Variants in GPC6 observed in about 807,000 individuals in gnomAD.
GPC6 encodes the protein glypican 6.
A neutral mutation model predicts 55.2 loss-of-function variants in GPC6; 14 were observed. The observed-to-expected ratio is 0.25, with a 90% confidence interval of 0.17 to 0.40. The LOEUF (loss-of-function observed/expected upper bound fraction) is 0.40, where lower values mean the gene tolerates loss of function less well. Ranked by LOEUF, GPC6 falls within the 10% of genes least tolerant of loss-of-function variation. The pLI, the probability that GPC6 is intolerant of heterozygous loss-of-function variation, is 1.00. For synonymous variants in GPC6, 278 were observed against 259.6 expected, an observed-to-expected ratio of 1.07 and a Z score of -0.68; for missense variants, 641 against 708.5, an observed-to-expected ratio of 0.90 and a Z score of 1.08.
chr13:93,992,332 G>A (rs1881349209), intron 3 of GPC6, among the ~76,000 whole-genome samples: 1 of 152,040 alleles, frequency 6.6e-6, no homozygotes, highest in South Asian at 2.1e-4. Flanking sequence ...TATAAACAAG[G>A]TGAGAAAGAA....
chr13:93,442,912 C>G (rs776757416), intron 1 of GPC6, among the ~76,000 whole-genome samples: 1 of 152,102 alleles, frequency 6.6e-6, no homozygotes, highest in Non-Finnish European at 1.5e-5. Context: ...ATTATACCAG[C>G]ATTTCAGTTT....
intron 6 of GPC6, among the ~76,000 whole-genome samples, chr13:94,373,485 T>G (rs377033424): frequency 6.9e-4 from 105 of 152,156 alleles, no homozygotes; most frequent in Non-Finnish European, 1.4e-3. Flanking sequence ...TGAAATGAAT[T>G]AAATGAAGCG....
At chr13:93,670,093 C>T (rs1881299729) in intron 2 of GPC6, among the ~76,000 whole-genome samples, 1 of 152,106 alleles carries the variant, frequency 6.6e-6, no homozygotes, top group Non-Finnish European at 1.5e-5. Context: ...GACTTGAGAG[C>T]AGTTAAGTCT....
intron 4 of GPC6, among the ~76,000 whole-genome samples, chr13:94,173,520 AC>A (rs1888645338): frequency 6.6e-6 from 1 of 152,118 alleles, no homozygotes; most frequent in Non-Finnish European, 1.5e-5. Flanking sequence ...GAAAAAGATG[AC>A]CTCAAGGGAG....
chr13:93,325,205 A>AC (rs1007861716), intron 1 of GPC6, among the ~76,000 whole-genome samples: 4 of 151,392 alleles, frequency 2.6e-5, no homozygotes, highest in African/African-American at 7.3e-5. Context: ...TCCCCACATA[A>AC]CCCCCCACAA....
intron 4 of GPC6, among the ~76,000 whole-genome samples, chr13:94,216,758 C>T (rs1190321253): frequency 6.6e-6 from 1 of 152,178 alleles, no homozygotes. Context: ...TAAGACCAGC[C>T]TTTACTCCAC....
chr13:94,136,596 G>T (rs1887193964), intron 4 of GPC6, among the ~76,000 whole-genome samples: 1 of 152,132 alleles, frequency 6.6e-6, no homozygotes. Flanking sequence ...TGTAGTCCCA[G>T]CCACTCGGGA....
chr13:93,732,857 T>G (rs1168784305), intron 2 of GPC6, among the ~76,000 whole-genome samples: 2 of 152,276 alleles, frequency 1.3e-5, no homozygotes, highest in Admixed American at 6.5e-5. Flanking sequence ...TCGATTAAAC[T>G]AATCTATATA....
chr13:94,339,943 A>G (rs1329804415), intron 6 of GPC6, among the ~76,000 whole-genome samples: 1 of 151,592 alleles, frequency 6.6e-6, no homozygotes, highest in East Asian at 1.9e-4. Flanking sequence ...TTGTATTTTT[A>G]GTAGAGACAC....
intron 2 of GPC6, among the ~76,000 whole-genome samples, chr13:93,749,499 C>G (rs550837424): frequency 1.3e-5 from 2 of 151,800 alleles, no homozygotes; most frequent in Non-Finnish European, 2.9e-5. Flanking sequence ...TAGGATAGGT[C>G]TTTTACAACA....
chr13:94,097,855 A>G (rs1308208248), intron 4 of GPC6, among the ~76,000 whole-genome samples: 4 of 152,224 alleles, frequency 2.6e-5, no homozygotes, highest in Non-Finnish European at 5.9e-5. Context: ...GGGATAATCA[A>G]GTGTCACAGA....
intron 1 of GPC6, among the ~76,000 whole-genome samples, chr13:93,293,946 G>A (rs535558588): frequency 1.9e-4 from 28 of 151,176 alleles, no homozygotes; most frequent in Middle Eastern, 3.4e-3. Flanking sequence ...TTCAATTATC[G>A]TCCATTGTAA....
In GPC6 at chr13:94,377,433, A is replaced by G. The variant is rs1362403097; in HGVS notation, c.1153-4981A>G. Among the ~76,000 whole-genome samples, 455 of 144,074 alleles carry G rather than the reference A, an allele frequency of 3.2e-3. 3 individuals are homozygous for G. Among genetic ancestry groups the G allele is most frequent in the African/African-American group, 0.011 (431 of 39,220 alleles). 94.5% of individuals were successfully genotyped at this position (144,074 alleles called of 152,430 possible). On this transcript the variant is annotated intron_variant, in intron 6 of 8. Transcript: ENST00000377047. Reference sequence around the variant, plus strand: ...AAGAAGACATTTATGCAGCCAAAAAACACATGAAAAAATGCTCATCATCAC... The same window carrying G: ...AAGAAGACATTTATGCAGCCAAAAAGCACATGAAAAAATGCTCATCATCAC...
At chr13:93,488,252 T>G (rs1473887575) in intron 1 of GPC6, among the ~76,000 whole-genome samples, 2 of 152,104 alleles carry the variant, frequency 1.3e-5, no homozygotes, top group African/African-American at 4.8e-5. Context: ...AGTTTGCTCA[T>G]AATGATGGTT....
intron 1 of GPC6, among the ~76,000 whole-genome samples, chr13:93,529,037 A>C (rs538011984): frequency 6.6e-6 from 1 of 152,284 alleles, no homozygotes; most frequent in East Asian, 1.9e-4. Flanking sequence ...ATCACTGCTT[A>C]CACACAATAT....
chr13:94,121,351 C>A (rs1886622678), intron 4 of GPC6, among the ~76,000 whole-genome samples: 1 of 152,108 alleles, frequency 6.6e-6, no homozygotes, highest in Admixed American at 6.6e-5. Context: ...TTATTGTTTT[C>A]TCTCTAGCCA....
intron 3 of GPC6, among the ~76,000 whole-genome samples, chr13:94,018,542 C>T (rs978030462): frequency 1.3e-5 from 2 of 152,166 alleles, no homozygotes; most frequent in African/African-American, 4.8e-5. Flanking sequence ...CCTGCTGCCT[C>T]GGCCTCCCAA....
intron 4 of GPC6, among the ~76,000 whole-genome samples, chr13:94,251,319 G>T (rs971636601): frequency 4.0e-5 from 6 of 151,764 alleles, no homozygotes; most frequent in Non-Finnish European, 7.4e-5. Context: ...GGGGCAAAGC[G>T]GGGGAGAGCA....
At chr13:93,217,877 G>A in the GPC6 span, among the ~76,000 whole-genome samples, 6 of 152,134 alleles carry the variant, frequency 3.9e-5, no homozygotes, top group Non-Finnish European at 8.8e-5. Flanking sequence ...ATGGCTCTAT[G>A]ACTAGGGTGT....
Sources: allele counts gnomAD v4.1 joint callset (sites outside exome capture counted in the v4.1 genomes callset), GRCh38; gene constraint gnomAD v4.1.1; transcripts MANE v1.5; gene names NCBI Gene and HGNC (gene_info 2026-07-23, HGNC 2026-07-21).